The following ARHGEF28 variants were observed in gnomAD, a reference collection of about 807,000 sequenced individuals.
The protein encoded by ARHGEF28 is 190 kDa guanine nucleotide exchange factor.
Under a neutral mutation model 206.6 loss-of-function variants are expected in ARHGEF28, and 152 were observed. That is an observed-to-expected ratio of 0.74 (90% CI 0.64 to 0.84). The LOEUF is 0.84. ARHGEF28 is among the 40% of genes least tolerant of loss of function. The pLI, the probability that ARHGEF28 is intolerant of heterozygous loss-of-function variation, is 0.00. For synonymous variants in ARHGEF28, 763 were observed against 776.4 expected (o/e 0.98, Z 0.29); for missense variants, 2,028 against 2,073.2 (o/e 0.98, Z 0.42).
intron 1 of ARHGEF28, among the ~76,000 whole-genome samples, chr5:73,656,231 C>A (rs1162163683): frequency 6.6e-6 from 1 of 152,140 alleles, no homozygotes; most frequent in East Asian, 1.9e-4. Context: ...AAGAGAGTAC[C>A]TCAGTAAAGG....
intron 22 of ARHGEF28, among the ~76,000 whole-genome samples, chr5:73,882,130 C>A (rs1760994802): frequency 6.6e-6 from 1 of 151,966 alleles, no homozygotes; most frequent in African/African-American, 2.4e-5. Flanking sequence ...TTGCCATATA[C>A]TTTTCTTTCA....
intron 2 of ARHGEF28, among the ~76,000 whole-genome samples, chr5:73,692,840 T>G (rs1188055644): frequency 6.6e-6 from 1 of 152,210 alleles, no homozygotes; most frequent in Non-Finnish European, 1.5e-5. Context: ...TCCGGATCCC[T>G]GCAGATTCCC....
At chr5:73,871,546 C>T (rs919084215) in intron 21 of ARHGEF28, among the ~76,000 whole-genome samples, 8 of 152,172 alleles carry the variant, frequency 5.3e-5, no homozygotes, top group Non-Finnish European at 8.8e-5. Context: ...ACAACTAGTA[C>T]GTTTGGTGCA....
At chr5:73,915,591 A>T (rs1763164726) in intron 35 of ARHGEF28, among the ~76,000 whole-genome samples, 1 of 152,228 alleles carries the variant, frequency 6.6e-6, no homozygotes, top group Non-Finnish European at 1.5e-5. Context: ...TTGCTATGTA[A>T]TCGGCCCTAT....
At chr5:73,637,629 CAAAGCTTTTTTACTTCAGGG>C (rs1185626837) in intron 1 of ARHGEF28, among the ~76,000 whole-genome samples, 4 of 152,146 alleles carry the variant, frequency 2.6e-5, no homozygotes, top group Admixed American at 2.6e-4. Context: ...GAGTTCTTTC[CAAAGCTTTTTTACTTCAGGG>C]AGTTTTGGGA....
intron 13 of ARHGEF28, among the ~76,000 whole-genome samples, chr5:73,852,033 C>T (rs1415872073): frequency 6.6e-6 from 1 of 152,090 alleles, no homozygotes; most frequent in African/African-American, 2.4e-5. Flanking sequence ...TACTCCACCC[C>T]TGTAGTAAGT....
In ARHGEF28 at chr5:73,787,234, C is replaced by T. The variant is rs968212884; in HGVS notation, c.910+6489C>T. Among the ~76,000 whole-genome samples, 6 of 152,284 alleles carry T rather than the reference C, an allele frequency of 3.9e-5. No individual in the cohort carries two copies. The Middle Eastern group carries it at 0.01, about 259-fold the overall frequency. ...AGGCAGGCCGTTCTGCAGAGCTGATCATTCACTTGCATACACAGCTCTACC... is the reference window on the plus strand; with the variant it reads ...AGGCAGGCCGTTCTGCAGAGCTGATTATTCACTTGCATACACAGCTCTACC... On this transcript the variant is annotated intron_variant, in intron 7 of 35. Transcript: ENST00000513042.
At chr5:73,639,277 A>G (rs998969865) in intron 1 of ARHGEF28, among the ~76,000 whole-genome samples, 20 of 149,908 alleles carry the variant, frequency 1.3e-4, no homozygotes, top group African/African-American at 4.9e-4. Flanking sequence ...TACAATGAGC[A>G]TGAGCTATCT....
intron 35 of ARHGEF28, among the ~76,000 whole-genome samples, chr5:73,926,786 A>G (rs546910464): frequency 6.6e-6 from 1 of 152,274 alleles, no homozygotes; most frequent in East Asian, 1.9e-4. Flanking sequence ...TTCATTAGCC[A>G]CTTAGCAGGA....
chr5:73,742,596 G>A (rs983469177), intron 2 of ARHGEF28, among the ~76,000 whole-genome samples: 2 of 151,022 alleles, frequency 1.3e-5, no homozygotes, highest in Non-Finnish European at 2.9e-5. Context: ...AGGCCGAGGC[G>A]GGTGGATCAT....
At chr5:73,767,029 G>A (rs954413915) in intron 4 of ARHGEF28, among the ~76,000 whole-genome samples, 1 of 152,176 alleles carries the variant, frequency 6.6e-6, no homozygotes, top group African/African-American at 2.4e-5. Flanking sequence ...TAGTGAATGA[G>A]TCTCATGAGA....
At chr5:73,675,328 G>A (rs774037357) in intron 1 of ARHGEF28, among the ~76,000 whole-genome samples, 4 of 152,172 alleles carry the variant, frequency 2.6e-5, no homozygotes, top group Non-Finnish European at 4.4e-5. Flanking sequence ...GTGGGTCACA[G>A]GGATGTCCCT....
At chr5:73,934,036 TA>T (rs796248150) in intron 35 of ARHGEF28, among the ~76,000 whole-genome samples, 21 of 152,318 alleles carry the variant, frequency 1.4e-4, no homozygotes, top group African/African-American at 5.1e-4. Context: ...TTGCCGCCTT[TA>T]AAAAATTTTA....
intron 7 of ARHGEF28, among the ~76,000 whole-genome samples, chr5:73,792,223 A>G (rs896665200): frequency 6.6e-6 from 1 of 152,196 alleles, no homozygotes; most frequent in Non-Finnish European, 1.5e-5. Context: ...ATGAAGACAT[A>G]TATTTTAATA....
chr5:73,797,561 C>A (rs968536832), intron 9 of ARHGEF28, among the ~76,000 whole-genome samples: 2 of 152,096 alleles, frequency 1.3e-5, no homozygotes, highest in Non-Finnish European at 2.9e-5. Context: ...TCACCATGCC[C>A]AGGTAATTTT....
rs1247999270 is a variant in ARHGEF28, at chr5:73,776,684, C to CTTCT, written c.830_831insCTTT (p.Leu278PhefsTer7). The CTTCT allele has an allele frequency of 6.2e-7, 1 of 1,612,668 alleles. No homozygotes were observed. Among genetic ancestry groups the CTTCT allele is most frequent in the Non-Finnish European group, 8.5e-7 (1 of 1,179,062 alleles). ...TCCGGAAATACTTTTGGGATAGAGC[C>CTTCT]TTTCTTGTCAAGGTTTGTACATAGT... On this transcript the variant is annotated frameshift_variant, in exon 6 of 36. Transcript: ENST00000513042. LOFTEE classifies it high-confidence loss of function.
At chr5:73,884,187 A>G (rs1761124637) in intron 24 of ARHGEF28, among the ~76,000 whole-genome samples, 1 of 151,802 alleles carries the variant, frequency 6.6e-6, no homozygotes, top group South Asian at 2.1e-4. Flanking sequence ...CCTCTTCCTC[A>G]TTTTCCTATT....
chr5:73,636,153 A>G (rs1743702242), intron 1 of ARHGEF28, among the ~76,000 whole-genome samples: 1 of 152,186 alleles, frequency 6.6e-6, no homozygotes. Context: ...CTTCTTGTAA[A>G]AATGTTTTAG....
chr5:73,903,123 G>C (rs982768308), intron 31 of ARHGEF28: 4 of 152,190 alleles, frequency 2.6e-5, no homozygotes, highest in Admixed American at 2.0e-4. Context: ...GGGAAGCGGA[G>C]GTCTGGCTAG....
Sources: allele counts gnomAD v4.1 joint callset (sites outside exome capture counted in the v4.1 genomes callset), GRCh38; gene constraint gnomAD v4.1.1; transcripts MANE v1.5; gene names NCBI Gene and HGNC (gene_info 2026-07-23, HGNC 2026-07-21).